DPY19L1: variants seen among roughly 807,000 people sequenced by gnomAD.
DPY19L1 encodes the protein protein C-mannosyl-transferase DPY19L1.
DPY19L1 carries 35 observed loss-of-function variants against 96.9 expected under a neutral mutation model. The observed-to-expected ratio is 0.36, with a 90% CI of 0.28 to 0.48. The LOEUF is 0.48. DPY19L1 is among the 20% of genes least tolerant of loss of function. The pLI is 0.99. For synonymous variants in DPY19L1, 205 were observed against 252.6 expected, an observed-to-expected ratio of 0.81 and a Z score of 1.79; for missense variants, 521 against 777.9, an observed-to-expected ratio of 0.67 and a Z score of 3.93.
chr7:34,986,398 G>T (rs900977511), intron 7 of DPY19L1, among the ~76,000 whole-genome samples: 1 of 151,918 alleles, frequency 6.6e-6, no homozygotes, highest in Non-Finnish European at 1.5e-5. Context: ...ACATCACACT[G>T]TACCCCACTA....
intron 6 of DPY19L1, among the ~76,000 whole-genome samples, chr7:34,994,672 T>A (rs1225052588): frequency 6.6e-6 from 1 of 151,710 alleles, no homozygotes; most frequent in East Asian, 1.9e-4. Flanking sequence ...GGCGTGGTGG[T>A]GGGCACCTGT....
chr7:34,942,033 C>A (rs1158961323), intron 17 of DPY19L1, 149 bp from the exon 18 acceptor site: 1 of 843,374 alleles, frequency 1.2e-6, no homozygotes. Flanking sequence ...TCTTAAAATT[C>A]ACTTTCAAAC....
At chr7:34,986,711 T>C (rs1432126383) in intron 7 of DPY19L1, among the ~76,000 whole-genome samples, 3 of 152,008 alleles carry the variant, frequency 2.0e-5, no homozygotes, top group Admixed American at 2.0e-4. Flanking sequence ...TTAAGAAATA[T>C]GGGTCAGAAA....
In DPY19L1 at chr7:34,930,122, T is replaced by G. The variant is rs1783721762; in HGVS notation, c.*1451A>C. The stretch of plus-strand genomic sequence containing the variant: ...CAGAAACCATGCCTGAGGACTAAGG[T>G]CTGAAGGACAATCCACAATGAGGTT... On this transcript the variant is annotated 3_prime_UTR_variant, in exon 22 of 22. Coordinates refer to ENST00000638088, the MANE Select transcript of DPY19L1 (RefSeq NM_001366673.1). 6.6e-6 allele frequency: 1 copy of G among 152,118 alleles called. No individual in the cohort carries two copies. The allele number at this position is 152,118 out of a possible 1,614,324, so 9.4% of individuals were successfully genotyped here. A position where few individuals can be genotyped will look rare whatever the true frequency, so the allele number is the denominator to read the frequency against.
At chr7:35,006,206 T>G (rs531775532) in intron 6 of DPY19L1, among the ~76,000 whole-genome samples, 1 of 152,324 alleles carries the variant, frequency 6.6e-6, no homozygotes, top group East Asian at 1.9e-4. Flanking sequence ...TCCAGAGAAC[T>G]GTTAAACATA....
intron 17 of DPY19L1, 129 bp from the exon 18 acceptor site, chr7:34,942,013 C>T: frequency 1.0e-6 from 1 of 993,226 alleles, no homozygotes; most frequent in Non-Finnish European, 1.5e-6. Flanking sequence ...TCTGAAACTT[C>T]GAAAACAATT....
chr7:34,982,592 T>C (rs1309204628), intron 7 of DPY19L1, among the ~76,000 whole-genome samples: 1 of 152,242 alleles, frequency 6.6e-6, no homozygotes, highest in Non-Finnish European at 1.5e-5. Context: ...CAAGTGAAGA[T>C]ACAGAACAGC....
chr7:35,011,003 G>C (rs2128678056), intron 5 of DPY19L1, among the ~76,000 whole-genome samples: 1 of 152,264 alleles, frequency 6.6e-6, no homozygotes, highest in African/African-American at 2.4e-5. Context: ...CACCCCGAAA[G>C]GCCACATGTA....
At chr7:34,975,539 G>T (rs187350844) in intron 7 of DPY19L1, among the ~76,000 whole-genome samples, 1 of 152,188 alleles carries the variant, frequency 6.6e-6, no homozygotes, top group South Asian at 2.1e-4. Flanking sequence ...TGATGTAGAC[G>T]CTGCAAGTTA....
At chr7:34,985,412 T>G (rs576782134) in intron 7 of DPY19L1, among the ~76,000 whole-genome samples, 1 of 152,070 alleles carries the variant, frequency 6.6e-6, no homozygotes, top group African/African-American at 2.4e-5. Flanking sequence ...GGAGAAAATA[T>G]CTGCAAACCA....
At chr7:34,939,144 C>T (rs1259568720) in intron 20 of DPY19L1, 132 bp downstream of exon 20, 1 of 751,580 alleles carries the variant, frequency 1.3e-6, no homozygotes, top group Non-Finnish European at 2.1e-6. Flanking sequence ...TTTCAGCTTT[C>T]TGCTCCCTGA....
At chr7:35,016,246 T>C (rs543716383) in intron 3 of DPY19L1, among the ~76,000 whole-genome samples, 1 of 152,234 alleles carries the variant, frequency 6.6e-6, no homozygotes, top group East Asian at 1.9e-4. Context: ...TGGATACTAG[T>C]GAGGTCACAT....
intron 13 of DPY19L1, among the ~76,000 whole-genome samples, chr7:34,953,645 C>A (rs1784314476): frequency 1.3e-5 from 2 of 152,140 alleles, no homozygotes; most frequent in Admixed American, 6.6e-5. Flanking sequence ...TTCCGCTAGA[C>A]CATACCTTAC....
At chr7:35,033,516 T>G (rs534137402) in intron 1 of DPY19L1, among the ~76,000 whole-genome samples, 1 of 152,296 alleles carries the variant, frequency 6.6e-6, no homozygotes, top group African/African-American at 2.4e-5. Flanking sequence ...TTACATGTAT[T>G]ATCTCATTTA....
intron 1 of DPY19L1, among the ~76,000 whole-genome samples, chr7:35,034,846 A>C (rs1162680293): frequency 1.3e-5 from 2 of 152,240 alleles, no homozygotes; most frequent in Non-Finnish European, 2.9e-5. Context: ...AAGAATATGC[A>C]ATGCAATGTG....
At chr7:35,018,671 T>A (rs1300873995) in intron 1 of DPY19L1, 75 bp from the exon 2 acceptor site, 1 of 1,312,920 alleles carries the variant, frequency 7.6e-7, no homozygotes, top group African/African-American at 1.5e-5. Context: ...ATTTCAAAGA[T>A]AAAGCATGTC....
intron 14 of DPY19L1, among the ~76,000 whole-genome samples, chr7:34,948,541 T>C (rs1172826688): frequency 1.3e-5 from 2 of 152,142 alleles, no homozygotes; most frequent in Non-Finnish European, 2.9e-5. Flanking sequence ...CTGGAAACAG[T>C]TTTGCTATTT....
At chr7:35,018,679 G>A in intron 1 of DPY19L1, 83 bp from the exon 2 acceptor site, 4 of 1,234,092 alleles carry the variant, frequency 3.2e-6, no homozygotes, top group Non-Finnish European at 4.7e-6. Context: ...GATAAAGCAT[G>A]TCAAATATTG....
rs1454591879 is a variant in DPY19L1 at position 34,945,725 on chromosome 7, A to T, written c.1495-9T>A. 1 of 1,585,210 alleles carries T rather than the reference A, an allele frequency of 6.3e-7. No individual in the cohort carries two copies. Among genetic ancestry groups the T allele is most frequent in the Non-Finnish European group, 8.6e-7 (1 of 1,161,388 alleles). ...CACATATCACTAATAATCTGTAAAT[A>T]GATTTTGAAACACTTTAGAAAAGCT... On this transcript the variant is annotated splice_polypyrimidine_tract_variant and intron_variant, in intron 15 of 21. Coordinates refer to ENST00000638088, the MANE Select transcript of DPY19L1 (RefSeq NM_001366673.1).
Sources: gnomAD v4.1 joint callset for allele counts (sites outside exome capture counted in the v4.1 genomes callset) on GRCh38, gnomAD v4.1.1 for gene constraint, MANE v1.5 for transcripts, NCBI Gene and HGNC (gene_info 2026-07-23, HGNC 2026-07-21) for gene names.